Variants in SLC44A5 observed in about 807,000 individuals in gnomAD.
The protein encoded by SLC44A5 is choline transporter-like protein 5.
Under a neutral mutation model 101.8 loss-of-function variants are expected in SLC44A5, and 57 were observed. The observed-to-expected ratio is 0.56, with a 90% CI of 0.45 to 0.70. The LOEUF is 0.70. SLC44A5 is among the 30% of genes least tolerant of loss of function. SLC44A5 has a pLI of 0.00. For synonymous variants in SLC44A5, 281 were observed against 290.9 expected (o/e 0.97, Z 0.35); for missense variants, 737 against 853.1 (o/e 0.86, Z 1.70).
At position 75,277,407 on chromosome 1, in the gene SLC44A5, T is replaced by C. The variant is rs186792739; in HGVS notation, c.176-2365A>G. Reference sequence around the variant, plus strand: ...TAGATAGCTGCAGCTCAGAGTTTAATTTATCACTCAAAATCACACAGCTTT... The same window carrying C: ...TAGATAGCTGCAGCTCAGAGTTTAACTTATCACTCAAAATCACACAGCTTT... On this transcript the variant is annotated intron_variant, in intron 5 of 23. Transcript: ENST00000370859. 2.1e-3 allele frequency among the ~76,000 whole-genome samples: 314 copies of C among 152,286 alleles called. 1 individual carries two copies. The highest frequency in any genetic ancestry group is 3.4e-3 in the Middle Eastern group (1 of 294).
At chr1:75,344,608 A>G (rs1658115668) in intron 3 of SLC44A5, among the ~76,000 whole-genome samples, 1 of 152,136 alleles carries the variant, frequency 6.6e-6, no homozygotes, top group African/African-American at 2.4e-5. Flanking sequence ...AAGGTTGGAA[A>G]GATGCAATGT....
chr1:75,271,111 A>G (rs1170899595), intron 6 of SLC44A5, among the ~76,000 whole-genome samples: 1 of 152,100 alleles, frequency 6.6e-6, no homozygotes, highest in Non-Finnish European at 1.5e-5. Flanking sequence ...AATTTAGCCC[A>G]GTCATCTCTA....
chr1:75,518,396 C>G (rs1052438117), intron 2 of SLC44A5, among the ~76,000 whole-genome samples: 1 of 151,952 alleles, frequency 6.6e-6, no homozygotes, highest in Admixed American at 6.6e-5. Flanking sequence ...TTGTATACTA[C>G]GAGCAGTCTG....
chr1:75,272,457 T>A (rs1651564787), intron 6 of SLC44A5, among the ~76,000 whole-genome samples: 1 of 151,986 alleles, frequency 6.6e-6, no homozygotes. Flanking sequence ...AGTCATGAAT[T>A]CTTTGCCTAA....
intron 3 of SLC44A5, among the ~76,000 whole-genome samples, chr1:75,341,758 A>G (rs1301632215): frequency 6.6e-6 from 1 of 151,892 alleles, no homozygotes; most frequent in Non-Finnish European, 1.5e-5. Context: ...TGAATCTTTC[A>G]CTCTGATGTT....
At chr1:75,548,010 A>C (rs894542974) in intron 1 of SLC44A5, among the ~76,000 whole-genome samples, 1 of 152,152 alleles carries the variant, frequency 6.6e-6, no homozygotes, top group Non-Finnish European at 1.5e-5. Context: ...AATTTGATGG[A>C]GCTTATGTTT....
chr1:75,313,725 G>A (rs1016358562), intron 4 of SLC44A5, among the ~76,000 whole-genome samples: 3 of 152,016 alleles, frequency 2.0e-5, no homozygotes, highest in Non-Finnish European at 4.4e-5. Context: ...ACAAAACCAA[G>A]ATAGAAATAA....
intron 2 of SLC44A5, among the ~76,000 whole-genome samples, chr1:75,527,311 A>AG (rs1324295557): frequency 8.8e-6 from 1 of 113,140 alleles, no homozygotes; most frequent in Admixed American, 9.2e-5. Context: ...AGAGACAGAA[A>AG]GGAAGGGAGG....
the SLC44A5 span, among the ~76,000 whole-genome samples, chr1:75,672,533 C>T: frequency 2.0e-5 from 3 of 152,130 alleles, no homozygotes; most frequent in African/African-American, 7.2e-5. Context: ...GCCACAAGGA[C>T]AGCAATTCCT....
chr1:75,204,669 A>C (rs1646719603), intron 23 of SLC44A5: 2 of 125,730 alleles, frequency 1.6e-5, no homozygotes, highest in South Asian at 5.1e-4. Context: ...TTTTTTATAA[A>C]GATAGATGGG....
At chr1:75,630,632 G>C in the SLC44A5 span, among the ~76,000 whole-genome samples, 1 of 151,910 alleles carries the variant, frequency 6.6e-6, no homozygotes, top group Non-Finnish European at 1.5e-5. Flanking sequence ...TGGGCTATCT[G>C]ACTGGTCCAA....
At chr1:75,604,561 G>A (rs535696194) in intron 1 of SLC44A5, among the ~76,000 whole-genome samples, 1 of 152,020 alleles carries the variant, frequency 6.6e-6, no homozygotes, top group Non-Finnish European at 1.5e-5. Flanking sequence ...TGTGAAAAAT[G>A]CCATTGGTAG....
In SLC44A5 at chr1:75,378,241, T is replaced by G. The variant is rs1351046982; in HGVS notation, c.52+18342A>C. Among the ~76,000 whole-genome samples the G allele has an allele frequency of 3.9e-5, 3 of 76,146 alleles. 1 individual carries two copies. The highest frequency in any genetic ancestry group is 6.6e-5 in the Non-Finnish European group (3 of 45,466). The allele number at this position is 76,146 out of a possible 152,430, so 50.0% of individuals were successfully genotyped here. On this transcript the variant is annotated intron_variant, in intron 3 of 23. Coordinates refer to ENST00000370859, the MANE Select transcript of SLC44A5 (RefSeq NM_001130058.2). Reference sequence around the variant, plus strand: ...AAATTAAAAGTAAATATGCCTCTTATCTCAGCTTTATTAAAATTCTTTTAA... The same window carrying G: ...AAATTAAAAGTAAATATGCCTCTTAGCTCAGCTTTATTAAAATTCTTTTAA...
At chr1:75,376,008 G>A (rs965268864) in intron 3 of SLC44A5, among the ~76,000 whole-genome samples, 2 of 152,346 alleles carry the variant, frequency 1.3e-5, no homozygotes, top group Admixed American at 6.5e-5. Context: ...AGCAGGGCGA[G>A]GCATTGCCTC....
chr1:75,241,532 C>T (rs12562352), intron 9 of SLC44A5, among the ~76,000 whole-genome samples: 9 of 151,898 alleles, frequency 5.9e-5, no homozygotes, highest in African/African-American at 1.7e-4. Context: ...ATTTTGTCCA[C>T]AGTATACAGT....
At chr1:75,693,658 G>A in the SLC44A5 span, among the ~76,000 whole-genome samples, 1 of 152,082 alleles carries the variant, frequency 6.6e-6, no homozygotes, top group African/African-American at 2.4e-5. Flanking sequence ...TCTGAGAACT[G>A]CATACTGGAG....
intron 2 of SLC44A5, among the ~76,000 whole-genome samples, chr1:75,472,826 T>C (rs1005787394): frequency 4.6e-5 from 7 of 152,146 alleles, no homozygotes; most frequent in African/African-American, 1.7e-4. Flanking sequence ...ATTTCACAAG[T>C]CCTATAATGT....
chr1:75,268,329 C>T (rs995499868), intron 6 of SLC44A5, among the ~76,000 whole-genome samples: 1 of 152,166 alleles, frequency 6.6e-6, no homozygotes, highest in Admixed American at 6.6e-5. Context: ...CTTCCCTCAC[C>T]CCGTAACCAC....
intron 3 of SLC44A5, among the ~76,000 whole-genome samples, chr1:75,383,307 G>A (rs2101261810): frequency 7.5e-6 from 1 of 132,874 alleles, no homozygotes; most frequent in East Asian, 2.2e-4. Context: ...GAACTCAGAG[G>A]CTGGCGGGAT....
Sources: allele counts gnomAD v4.1 joint callset (sites outside exome capture counted in the v4.1 genomes callset), GRCh38; gene constraint gnomAD v4.1.1; transcripts MANE v1.5; gene names NCBI Gene and HGNC (gene_info 2026-07-23, HGNC 2026-07-21).